GSTCD: variants seen among roughly 807,000 people sequenced by gnomAD.
GSTCD encodes glutathione S-transferase C-terminal domain containing, also known as glutathione S-transferase C-terminal domain-containing protein.
In GSTCD, 44 loss-of-function variants were observed where a neutral mutation model predicts 68.3. The ratio of observed to expected loss-of-function variants is 0.64; its 90% CI spans 0.51 to 0.83. The LOEUF is 0.83. Among genes scored for constraint, GSTCD ranks in the 40% least tolerant of loss-of-function variants. GSTCD has a pLI of 0.00. For synonymous variants in GSTCD, 273 were observed against 255.2 expected (o/e 1.07, Z -0.67); for missense variants, 739 against 735.9 (o/e 1.00, Z -0.05).
intron 5 of GSTCD, among the ~76,000 whole-genome samples, chr4:105,815,861 T>A (rs932411700): frequency 1.3e-5 from 2 of 152,196 alleles, no homozygotes; most frequent in Non-Finnish European, 2.9e-5. Context: ...TAGACAATAT[T>A]ATGGACTTAA....
chr4:105,814,556 G>T (rs1207226135), intron 5 of GSTCD, among the ~76,000 whole-genome samples: 6 of 152,110 alleles, frequency 3.9e-5, no homozygotes, highest in Admixed American at 3.9e-4. Context: ...AGGTTGCAGT[G>T]AGCTGAGATA....
intron 9 of GSTCD, among the ~76,000 whole-genome samples, chr4:105,836,898 A>C (rs1367248641): frequency 6.6e-6 from 1 of 152,232 alleles, no homozygotes; most frequent in Non-Finnish European, 1.5e-5. Context: ...TACTGTTTCT[A>C]TAGTACGTGG....
chr4:105,778,461 G>T (rs1735155760), intron 5 of GSTCD, among the ~76,000 whole-genome samples: 1 of 151,938 alleles, frequency 6.6e-6, no homozygotes, highest in Non-Finnish European at 1.5e-5. Flanking sequence ...TTAAAATATT[G>T]TTTATTTCAG....
intron 5 of GSTCD, among the ~76,000 whole-genome samples, chr4:105,757,681 A>G (rs1346113073): frequency 6.6e-6 from 1 of 152,194 alleles, no homozygotes; most frequent in Non-Finnish European, 1.5e-5. Context: ...GAAATCATCA[A>G]TGTCAGCTGA....
chr4:105,828,726 A>T (rs916264619), intron 8 of GSTCD, among the ~76,000 whole-genome samples: 14 of 152,250 alleles, frequency 9.2e-5, no homozygotes, highest in Non-Finnish European at 1.2e-4. Flanking sequence ...GGCTATCAGG[A>T]CACAAACCAC....
intron 5 of GSTCD, among the ~76,000 whole-genome samples, chr4:105,739,460 A>G (rs932990713): frequency 2.0e-5 from 3 of 152,198 alleles, no homozygotes; most frequent in Admixed American, 1.3e-4. Flanking sequence ...AATGTTTGGT[A>G]TAATTCAGCT....
At chr4:105,769,233 GCAC>G (rs1227748134) in intron 5 of GSTCD, among the ~76,000 whole-genome samples, 50 of 146,338 alleles carry the variant, frequency 3.4e-4, no homozygotes, top group African/African-American at 1.2e-3. Flanking sequence ...ATACACGCGC[GCAC>G]ACACACACAC....
intron 5 of GSTCD, among the ~76,000 whole-genome samples, chr4:105,813,543 T>G (rs1722840526): frequency 1.3e-5 from 2 of 152,232 alleles, no homozygotes; most frequent in Non-Finnish European, 2.9e-5. Flanking sequence ...TATCTCCTTA[T>G]GTACTTGCAA....
intron 5 of GSTCD, among the ~76,000 whole-genome samples, chr4:105,798,462 T>C (rs1735985994): frequency 6.6e-6 from 1 of 151,994 alleles, no homozygotes; most frequent in Non-Finnish European, 1.5e-5. Context: ...TCAGAGATGT[T>C]ACTACCAATA....
chr4:105,725,739 C>T (rs924310089), intron 3 of GSTCD, among the ~76,000 whole-genome samples: 1 of 152,042 alleles, frequency 6.6e-6, no homozygotes, highest in Non-Finnish European at 1.5e-5. Flanking sequence ...GTATAAGACA[C>T]ATCACTAAAG....
chr4:105,748,299 A>T (rs2149224789), intron 5 of GSTCD, among the ~76,000 whole-genome samples: 2 of 152,218 alleles, frequency 1.3e-5, no homozygotes, highest in South Asian at 4.2e-4. Flanking sequence ...ATAGCATGAG[A>T]TCAAAGAGGT....
intron 3 of GSTCD, among the ~76,000 whole-genome samples, chr4:105,724,414 A>AG (rs984149926): frequency 6.6e-6 from 1 of 151,828 alleles, no homozygotes; most frequent in Non-Finnish European, 1.5e-5. Context: ...TATAAAAAAA[A>AG]AATTCTATAG....
intron 5 of GSTCD, among the ~76,000 whole-genome samples, chr4:105,739,064 A>G (rs558170693): frequency 6.6e-6 from 1 of 152,296 alleles, no homozygotes; most frequent in Admixed American, 6.5e-5. Context: ...AATTTTATCA[A>G]CTGCATTTTG....
At chr4:105,778,739 C>G (rs1735166348) in intron 5 of GSTCD, among the ~76,000 whole-genome samples, 1 of 152,074 alleles carries the variant, frequency 6.6e-6, no homozygotes. Flanking sequence ...AATAATGTAA[C>G]TAAGATTTTT....
At chr4:105,733,455 T>TC (rs1194909759) in intron 5 of GSTCD, among the ~76,000 whole-genome samples, 11 of 152,252 alleles carry the variant, frequency 7.2e-5, no homozygotes, top group Non-Finnish European at 1.6e-4. Flanking sequence ...GCCTTCTTAG[T>TC]TCTTTTGATC....
chr4:105,709,812 CAA>C (rs1349167802), intron 1 of GSTCD, among the ~76,000 whole-genome samples: 2 of 152,088 alleles, frequency 1.3e-5, no homozygotes, highest in African/African-American at 4.8e-5. Flanking sequence ...TCTGTAAAAA[CAA>C]TGTTTACAGG....
intron 5 of GSTCD, chr4:105,815,351 G>T (rs944421621): frequency 4.6e-5 from 7 of 152,092 alleles, no homozygotes; most frequent in Non-Finnish European, 8.8e-5. Context: ...GTATTAGATA[G>T]ATCAAACAGT....
At chr4:105,768,038 ATTT>A (rs753624063) in intron 5 of GSTCD, among the ~76,000 whole-genome samples, 1 of 135,840 alleles carries the variant, frequency 7.4e-6, no homozygotes. Context: ...TAAAAAAAAA[ATTT>A]TTTTTTTTTT....
chr4:105,809,591 C>T (rs546664095), intron 5 of GSTCD, among the ~76,000 whole-genome samples: 1 of 152,122 alleles, frequency 6.6e-6, no homozygotes, highest in African/African-American at 2.4e-5. Flanking sequence ...GTGTGTATCA[C>T]CTATCTACCC....
Sources: allele counts gnomAD v4.1 joint callset (sites outside exome capture counted in the v4.1 genomes callset), GRCh38; gene constraint gnomAD v4.1.1; transcripts MANE v1.5; gene names NCBI Gene and HGNC (gene_info 2026-07-23, HGNC 2026-07-21).